Variants in SFI1 observed in about 807,000 individuals in gnomAD.
The protein encoded by SFI1 is protein SFI1 homolog.
In SFI1, 195 loss-of-function variants were observed where a neutral mutation model predicts 207.5. The observed-to-expected ratio is 0.94, with a 90% confidence interval of 0.84 to 1.06. The LOEUF (loss-of-function observed/expected upper bound fraction) is 1.06. Among genes scored for constraint, SFI1 ranks in the 50% least tolerant of loss-of-function variants. The pLI is 0.00. For synonymous variants in SFI1, 630 were observed against 598.9 expected, an observed-to-expected ratio of 1.05 and a Z score of -0.76; for missense variants, 1,634 against 1,588.0, an observed-to-expected ratio of 1.03 and a Z score of -0.49.
At chr22:31,555,798 A>C (rs2061105036) in intron 6 of SFI1, among the ~76,000 whole-genome samples, 2 of 152,160 alleles carry the variant, frequency 1.3e-5, no homozygotes, top group South Asian at 4.1e-4. Context: ...GATTACCTGA[A>C]GTATGCTGAT....
intron 4 of SFI1, among the ~76,000 whole-genome samples, chr22:31,541,714 A>C (rs1203872785): frequency 6.9e-6 from 1 of 145,906 alleles, no homozygotes; most frequent in Non-Finnish European, 1.5e-5. Context: ...ACTGCACTCC[A>C]GCCTAGGTAA....
intron 15 of SFI1, among the ~76,000 whole-genome samples, chr22:31,593,683 C>T (rs1203008495): frequency 2.1e-5 from 3 of 142,186 alleles, no homozygotes; most frequent in Non-Finnish European, 4.6e-5. Flanking sequence ...GAGATCACGC[C>T]ACTGCACTCC....
intron 1 of SFI1, among the ~76,000 whole-genome samples, chr22:31,505,520 C>T (rs1261410307): frequency 1.3e-5 from 2 of 151,940 alleles, no homozygotes; most frequent in Admixed American, 1.3e-4. Flanking sequence ...ACTTGGGAGG[C>T]CGAGACAGGA....
chr22:31,606,401 A>C lies in SFI1; in HGVS notation c.2128A>C (p.Thr710Pro). Residue 710 changes from threonine to proline, a missense_variant, in exon 21 of 33, where the codon ACT becomes CCT. Transcript: ENST00000400288. ...DEAKKTFQASTHYRRTICSKV... is the reference protein window; with the variant it reads ...DEAKKTFQASPHYRRTICSKV... Reference sequence around the variant, plus strand: ...AGCCAAAAAAACCTTTCAAGCAAGTACTCATTACAGAAGGACCATATGTTC... The same window carrying C: ...AGCCAAAAAAACCTTTCAAGCAAGTCCTCATTACAGAAGGACCATATGTTC... The C allele has an allele frequency of 6.2e-7, 1 of 1,613,804 alleles. No individual in the cohort carries two copies. Among genetic ancestry groups the C allele is most frequent in the Non-Finnish European group, 8.5e-7 (1 of 1,179,986 alleles).
intron 4 of SFI1, among the ~76,000 whole-genome samples, chr22:31,541,810 T>G (rs1008700093): frequency 6.8e-6 from 1 of 146,398 alleles, no homozygotes; most frequent in Non-Finnish European, 1.5e-5. Flanking sequence ...ATTATAGAAA[T>G]GTACAGTTTA....
chr22:31,538,171 C>G (rs1371410927), intron 4 of SFI1, among the ~76,000 whole-genome samples: 1 of 151,686 alleles, frequency 6.6e-6, no homozygotes. Flanking sequence ...GGGGTTTCAC[C>G]ATGTTGGTCT....
Position 31,511,945 on chromosome 22 carries a change from C to T in SFI1, c.92+3569C>T, listed in dbSNP as rs956958962. ...GGGATTACAGGTGTGAGTCACCGTG[C>T]CCCAGCCTTAGGTGTTAAATTTGCA... On this transcript the variant is annotated intron_variant, in intron 2 of 32. Coordinates refer to ENST00000400288, the MANE Select transcript of SFI1 (RefSeq NM_001007467.3). 5.3e-5 allele frequency among the ~76,000 whole-genome samples: 8 copies of T among 152,086 alleles called. 1 individual carries two copies. The highest frequency in any genetic ancestry group is 1.3e-4 in the Admixed American group (2 of 15,250).
At chr22:31,573,438 A>ATT (rs199990631) in intron 9 of SFI1, among the ~76,000 whole-genome samples, 690 of 141,560 alleles carry the variant, frequency 4.9e-3, no homozygotes, top group Non-Finnish European at 8.4e-3. Context: ...CTGTAGATAG[A>ATT]TTTTTTTTTT....
At position 31,604,256 on chromosome 22, in the gene SFI1, C is replaced by T. The variant is rs2068589160; in HGVS notation, c.1882-53C>T. 6.3e-6 allele frequency: 9 copies of T among 1,434,544 alleles called. No homozygotes were observed. In the South Asian group the frequency reaches 9.8e-5, roughly 16 times the overall value. 88.9% of individuals were successfully genotyped at this position (1,434,544 alleles called of 1,614,324 possible). On this transcript the variant is annotated intron_variant, in intron 18 of 32. Transcript: ENST00000400288. The stretch of plus-strand genomic sequence containing the variant: ...ATAAAATGGAGGCAAAGCAGGAAGC[C>T]ACCCCCAACTCAGACCCCAGCCCAC...
chr22:31,524,210 T>A (rs2057631515), intron 2 of SFI1, among the ~76,000 whole-genome samples: 5 of 151,920 alleles, frequency 3.3e-5, no homozygotes, highest in Admixed American at 6.6e-5. Flanking sequence ...TCAAAAAAAA[T>A]AAAAATAAAA....
At chr22:31,592,830 G>A (rs1346682374) in intron 15 of SFI1, among the ~76,000 whole-genome samples, 204 of 126,470 alleles carry the variant, frequency 1.6e-3, no homozygotes, top group Non-Finnish European at 2.0e-3. Context: ...CCTCCCTCCC[G>A]GACGGGGCGG....
rs747547427 is a variant in SFI1, at chr22:31,618,218, C to G, written c.3616C>G (p.Leu1206Val). The G allele has an allele frequency of 6.3e-6, 10 of 1,596,114 alleles. No homozygotes were observed. The Admixed American group carries it at 1.1e-4, about 17-fold the overall frequency. ...AGTAGAGCAGCAGGTGCAGAAAGAG[C>G]TGGAACAGGTGAGGCCCCAGGCCAT... Reference protein sequence around the residue: ...QEVEQQVQKELEQVEMQIQLL... With the variant: ...QEVEQQVQKEVEQVEMQIQLL... Residue 1206 changes from leucine to valine, a missense_variant, in exon 32 of 33, where the codon CTG (leucine) becomes GTG (valine). Transcript: ENST00000400288.
intron 2 of SFI1, among the ~76,000 whole-genome samples, chr22:31,524,085 C>T (rs1307878256): frequency 6.6e-6 from 1 of 151,776 alleles, no homozygotes; most frequent in East Asian, 1.9e-4. Flanking sequence ...ACCTGTAGTC[C>T]CACCTACTTG....
At chr22:31,592,421 T>C (rs1455348329) in intron 15 of SFI1, among the ~76,000 whole-genome samples, 1 of 39,286 alleles carries the variant, frequency 2.5e-5, no homozygotes. Flanking sequence ...CCCCCCCACC[T>C]CCCTCCCGGA....
intron 8 of SFI1, among the ~76,000 whole-genome samples, chr22:31,568,177 GTGTGTGTGTGTGTGTGT>G (rs1406452461): frequency 4.2e-5 from 5 of 119,606 alleles, no homozygotes; most frequent in Admixed American, 8.7e-5. Flanking sequence ...GTGTGTGTGT[GTGTGTGTGTGTGTGTGT>G]TGTGTGTGTG....
In SFI1 at chr22:31,508,301, C is replaced by A; in HGVS notation, c.17C>A (p.Thr6Asn). 1 of 1,611,720 alleles carries A rather than the reference C, an allele frequency of 6.2e-7. No individual in the cohort carries two copies. Among genetic ancestry groups the A allele is most frequent in the Non-Finnish European group, 8.5e-7 (1 of 1,178,292 alleles). The change falls in exon 2 of 33, where the codon ACT (threonine) becomes AAT (asparagine). Residue 6 changes from threonine to asparagine, a missense_variant. Thr to Asn is a moderately conservative substitution (Grantham distance 65, BLOSUM62 0). Transcript: ENST00000400288. MKNLL[T>N]EKCISSHNFH... is the part of the protein sequence containing the mutation. The stretch of plus-strand genomic sequence containing the variant: ...CTTTGATTCATGAAGAATCTGCTCA[C>A]TGAGAAGTGTATATCAAGCCACAAT...
chr22:31,608,753 C>G (rs1450617979), intron 22 of SFI1, among the ~76,000 whole-genome samples: 1 of 152,032 alleles, frequency 6.6e-6, no homozygotes, highest in Admixed American at 6.5e-5. Context: ...GTGTTAGCGT[C>G]CTGCTTCCTT....
Position 31,531,133 on chromosome 22 carries a change from G to A in SFI1, c.338+4G>A, listed in dbSNP as rs1351198483. The A allele has an allele frequency of 9.9e-6, 16 of 1,608,770 alleles. No individual in the cohort carries two copies. The highest frequency in any genetic ancestry group is 1.7e-5 in the Admixed American group (1 of 59,568). On this transcript the variant is annotated splice_donor_region_variant and intron_variant, in intron 4 of 32. Coordinates refer to ENST00000400288, the MANE Select transcript of SFI1 (RefSeq NM_001007467.3). ...GAGTATTTCCCTCTAAAGCCAGGTA[G>A]TATTAGCTCAGAACAACATAATTGT...
intron 6 of SFI1, among the ~76,000 whole-genome samples, chr22:31,553,837 T>TTA (rs1380865260): frequency 1.8e-5 from 2 of 113,028 alleles, no homozygotes; most frequent in African/African-American, 6.9e-5. Context: ...TAATGGATTA[T>TTA]GTTTTTTTTT....
Sources: allele counts gnomAD v4.1 joint callset (sites outside exome capture counted in the v4.1 genomes callset), GRCh38; gene constraint gnomAD v4.1.1; transcripts MANE v1.5; gene names NCBI Gene and HGNC (gene_info 2026-07-23, HGNC 2026-07-21).